The following DLGAP1 variants were observed in gnomAD, a reference collection of about 807,000 sequenced individuals.
The protein encoded by DLGAP1 is DLG associated protein 1.
DLGAP1 carries 11 observed loss-of-function variants against 90.8 expected under a neutral mutation model. The observed-to-expected ratio is 0.12, with a 90% CI of 0.08 to 0.20. The LOEUF (loss-of-function observed/expected upper bound fraction) is 0.20. DLGAP1 is among the 10% of genes least tolerant of loss of function. DLGAP1 has a pLI of 1.00. For synonymous variants in DLGAP1, 558 were observed against 540.7 expected (o/e 1.03, Z -0.44); for missense variants, 1,050 against 1,333.8 (o/e 0.79, Z 3.31).
intron 1 of DLGAP1, among the ~76,000 whole-genome samples, chr18:4,175,704 G>A (rs1348560532): frequency 2.0e-5 from 3 of 152,036 alleles, no homozygotes; most frequent in African/African-American, 7.2e-5. Context: ...TTTTTGTCAG[G>A]TTTGTCAAAG....
chr18:4,446,603 A>T (rs2083674572), intron 1 of DLGAP1, among the ~76,000 whole-genome samples: 1 of 152,240 alleles, frequency 6.6e-6, no homozygotes, highest in Non-Finnish European at 1.5e-5. Flanking sequence ...AGTCTTGAAG[A>T]ACTAAATAAT....
intron 1 of DLGAP1, among the ~76,000 whole-genome samples, chr18:4,183,830 ATACTG>A (rs775520139): frequency 1.2e-4 from 19 of 152,236 alleles, no homozygotes; most frequent in Non-Finnish European, 2.4e-4. Context: ...ACATCTGAAA[ATACTG>A]TACTTTTCCT....
At chr18:3,967,582 G>C (rs1237651708) in intron 3 of DLGAP1, among the ~76,000 whole-genome samples, 4 of 152,170 alleles carry the variant, frequency 2.6e-5, no homozygotes, top group Non-Finnish European at 5.9e-5. Flanking sequence ...GTAAGGAGGA[G>C]AGCAGGCTGT....
chr18:3,740,522 T>C (rs2062853005), intron 6 of DLGAP1, among the ~76,000 whole-genome samples: 1 of 152,106 alleles, frequency 6.6e-6, no homozygotes, highest in African/African-American at 2.4e-5. Flanking sequence ...CAGTTCCTGA[T>C]TTTTTTCTTC....
intron 10 of DLGAP1, among the ~76,000 whole-genome samples, chr18:3,510,856 A>C (rs1457297178): frequency 6.6e-6 from 1 of 152,266 alleles, no homozygotes; most frequent in East Asian, 1.9e-4. Flanking sequence ...GATTCTCAAA[A>C]GAGGAGACAG....
intron 1 of DLGAP1, among the ~76,000 whole-genome samples, chr18:4,374,514 G>T (rs1440061317): frequency 6.6e-6 from 1 of 151,998 alleles, no homozygotes; most frequent in African/African-American, 2.4e-5. Context: ...CAGGATTATG[G>T]CTATACAAGA....
chr18:4,126,776 A>AT lies in DLGAP1; in HGVS notation c.-159+24403dup, dbSNP rs537027098. Among the ~76,000 whole-genome samples the AT allele has an allele frequency of 1.4e-3, 215 of 152,272 alleles. 10 individuals carry two copies. The South Asian group carries it at 0.043, about 31-fold the overall frequency. On this transcript the variant is annotated intron_variant, in intron 2 of 12. Coordinates refer to ENST00000315677, the MANE Select transcript of DLGAP1 (RefSeq NM_004746.4). ...TTACATATGGTGCTTCAAGATTTTT[A>AT]TTTTTAAATCACAGAAACCCAAAAA...
intron 2 of DLGAP1, among the ~76,000 whole-genome samples, chr18:4,028,207 AAAATATGT>A (rs1339009943): frequency 6.6e-6 from 1 of 152,250 alleles, no homozygotes; most frequent in Admixed American, 6.5e-5. Flanking sequence ...TAGGTTACCC[AAAATATGT>A]AAATATATAG....
intron 3 of DLGAP1, among the ~76,000 whole-genome samples, chr18:3,948,428 G>A (rs1442326449): frequency 6.6e-6 from 1 of 152,132 alleles, no homozygotes; most frequent in Non-Finnish European, 1.5e-5. Flanking sequence ...GGGTTTCACA[G>A]AATTCTTCCT....
At chr18:3,677,741 C>T (rs2060359231) in intron 7 of DLGAP1, among the ~76,000 whole-genome samples, 1 of 152,086 alleles carries the variant, frequency 6.6e-6, no homozygotes, top group Admixed American at 6.6e-5. Context: ...TCACTGCAAC[C>T]TCTGTCTCCC....
At chr18:4,200,884 G>C (rs576691192) in intron 1 of DLGAP1, among the ~76,000 whole-genome samples, 1 of 151,964 alleles carries the variant, frequency 6.6e-6, no homozygotes, top group Admixed American at 6.6e-5. Context: ...TGACATAAAG[G>C]ATTTATTTCA....
chr18:3,545,152 T>G (rs2052940641), intron 9 of DLGAP1, among the ~76,000 whole-genome samples: 1 of 151,832 alleles, frequency 6.6e-6, no homozygotes, highest in South Asian at 2.1e-4. Context: ...CAGATGCCTA[T>G]AATCCCAGCT....
At chr18:3,876,350 T>C (rs557161674) in intron 4 of DLGAP1, among the ~76,000 whole-genome samples, 44 of 152,294 alleles carry the variant, frequency 2.9e-4, no homozygotes, top group African/African-American at 9.4e-4. Flanking sequence ...TGTTTTACAT[T>C]TAATTCTCTT....
At chr18:4,099,345 ATCTGTCTG>A (rs147140169) in intron 2 of DLGAP1, among the ~76,000 whole-genome samples, 1,623 of 73,056 alleles carry the variant, frequency 0.022, 10 homozygotes, top group East Asian at 0.033. Context: ...CTATCTATCT[ATCTGTCTG>A]TCTGTCTATC....
intron 1 of DLGAP1, among the ~76,000 whole-genome samples, chr18:4,296,572 G>C (rs1368878233): frequency 1.3e-5 from 2 of 152,186 alleles, no homozygotes; most frequent in African/African-American, 4.8e-5. Context: ...TTTAATTCCA[G>C]TTTTCCTTCT....
At chr18:3,726,116 A>C (rs1391571561) in intron 7 of DLGAP1, among the ~76,000 whole-genome samples, 1 of 152,354 alleles carries the variant, frequency 6.6e-6, no homozygotes, top group Non-Finnish European at 1.5e-5. Flanking sequence ...GGGTAAGTTT[A>C]GGAAAAACAA....
intron 3 of DLGAP1, chr18:3,978,084 G>T: frequency 2.5e-6 from 1 of 393,568 alleles, no homozygotes; most frequent in Non-Finnish European, 5.0e-6. Context: ...TTTCTGGGTG[G>T]CAGTAATGGC....
intron 1 of DLGAP1, chr18:4,430,562 TTTGA>T (rs1035034529): frequency 1.2e-4 from 18 of 148,086 alleles, no homozygotes; most frequent in Admixed American, 4.1e-4. Flanking sequence ...AATGTTTTCT[TTTGA>T]TTGTTTTTTC....
At chr18:4,013,112 TC>T (rs2149099040) in intron 2 of DLGAP1, among the ~76,000 whole-genome samples, 1 of 152,346 alleles carries the variant, frequency 6.6e-6, no homozygotes, top group East Asian at 1.9e-4. Context: ...TTAAAAAAAT[TC>T]TTTCTGTTTC....
Sources: gnomAD v4.1 joint callset for allele counts (sites outside exome capture counted in the v4.1 genomes callset) on GRCh38, gnomAD v4.1.1 for gene constraint, MANE v1.5 for transcripts, NCBI Gene and HGNC (gene_info 2026-07-23, HGNC 2026-07-21) for gene names.